Variants in DCUN1D4 observed in about 807,000 individuals in gnomAD.
DCUN1D4 encodes the protein DCN1-like protein 4.
Under a neutral mutation model 47.9 loss-of-function variants are expected in DCUN1D4, and 22 were observed. The ratio of observed to expected loss-of-function variants is 0.46; its 90% CI spans 0.33 to 0.66. The LOEUF (loss-of-function observed/expected upper bound fraction) is 0.66. Ranked by LOEUF, DCUN1D4 falls within the 30% of genes least tolerant of loss-of-function variation. DCUN1D4 has a pLI of 0.02. For synonymous variants in DCUN1D4, 121 were observed against 112.2 expected, an observed-to-expected ratio of 1.08 and a Z score of -0.50; for missense variants, 301 against 340.8, an observed-to-expected ratio of 0.88 and a Z score of 0.92.
chr4:51,892,593 T>C (rs187825962), intron 7 of DCUN1D4, among the ~76,000 whole-genome samples: 2 of 152,370 alleles, frequency 1.3e-5, no homozygotes, highest in Non-Finnish European at 2.9e-5. Context: ...ATTAAAAAGA[T>C]TTGGTTTGTG....
At position 51,916,701 on chromosome 4, in the gene DCUN1D4, A is replaced by G. The variant is rs1309255188; in HGVS notation, c.*3117A>G. 6.6e-6 allele frequency: 1 copy of G among 152,532 alleles called. No individual in the cohort carries two copies. 9.4% of individuals were successfully genotyped at this position (152,532 alleles called of 1,614,324 possible). A position where few individuals can be genotyped will look rare whatever the true frequency, so the allele number is the denominator to read the frequency against. ...TTGCATTACATTCATAAAAGTGTGC[A>G]AGTCCTGTGACTCCCAGCTTAACTG... On this transcript the variant is annotated 3_prime_UTR_variant, in exon 11 of 11. Transcript: ENST00000334635.
intron 7 of DCUN1D4, among the ~76,000 whole-genome samples, chr4:51,895,788 A>AT (rs1334597131): frequency 1.3e-5 from 2 of 152,064 alleles, no homozygotes; most frequent in Admixed American, 6.5e-5. Flanking sequence ...CATTGTGTGC[A>AT]TTTTTTTGTG....
chr4:51,842,603 G>A (rs1032374959), upstream of DCUN1D4, among the ~76,000 whole-genome samples: 2 of 152,216 alleles, frequency 1.3e-5, no homozygotes, highest in African/African-American at 4.8e-5. Context: ...GTCCCAGTCC[G>A]AGTTCGGCGC....
intron 1 of DCUN1D4, among the ~76,000 whole-genome samples, chr4:51,862,373 C>T (rs931538048): frequency 6.6e-6 from 1 of 152,256 alleles, no homozygotes; most frequent in African/African-American, 2.4e-5. Flanking sequence ...AGCTTGTTTT[C>T]AGGGTTCAGA....
At chr4:51,901,919 A>G (rs1469532770) in intron 8 of DCUN1D4, among the ~76,000 whole-genome samples, 1 of 152,142 alleles carries the variant, frequency 6.6e-6, no homozygotes, top group African/African-American at 2.4e-5. Flanking sequence ...TCTAAGATAA[A>G]TTTTTTAATG....
intron 1 of DCUN1D4, among the ~76,000 whole-genome samples, chr4:51,846,267 A>G (rs1305923615): frequency 6.6e-6 from 1 of 152,126 alleles, no homozygotes; most frequent in African/African-American, 2.4e-5. Flanking sequence ...GTAGCTGTGC[A>G]TTTAAACAGA....
At chr4:51,844,834 CTG>C in intron 1 of DCUN1D4, 4 of 985,328 alleles carry the variant, frequency 4.1e-6, no homozygotes, top group Non-Finnish European at 4.8e-6. Context: ...ACGTGGGTAA[CTG>C]TGGAAACGGG....
intron 5 of DCUN1D4, chr4:51,884,499 C>T (rs1303895479): frequency 6.6e-6 from 1 of 152,230 alleles, no homozygotes; most frequent in Non-Finnish European, 1.5e-5. Context: ...TTCTGCTGGA[C>T]TTGGTGACTT....
upstream of DCUN1D4, among the ~76,000 whole-genome samples, chr4:51,838,716 C>T (rs1245756960): frequency 6.6e-6 from 1 of 152,110 alleles, no homozygotes; most frequent in African/African-American, 2.4e-5. Context: ...ATGTTAACAA[C>T]CATATTATTG....
intron 1 of DCUN1D4, among the ~76,000 whole-genome samples, chr4:51,859,157 G>T (rs1430482506): frequency 1.3e-5 from 2 of 152,034 alleles, no homozygotes; most frequent in African/African-American, 4.8e-5. Flanking sequence ...ATTAATTTGT[G>T]GTTTAGTGAA....
upstream of DCUN1D4, among the ~76,000 whole-genome samples, chr4:51,842,242 C>T (rs1721722351): frequency 6.6e-6 from 1 of 152,128 alleles, no homozygotes; most frequent in Non-Finnish European, 1.5e-5. Flanking sequence ...GGGTCTTTCA[C>T]GGGCTGGTGG....
At chr4:51,846,364 G>A (rs1046285259) in intron 1 of DCUN1D4, among the ~76,000 whole-genome samples, 1 of 152,190 alleles carries the variant, frequency 6.6e-6, no homozygotes, top group African/African-American at 2.4e-5. Flanking sequence ...TGCCAGAAAA[G>A]AAGGCCTGCC....
intron 4 of DCUN1D4, chr4:51,875,340 T>C (rs1727507324): frequency 6.6e-6 from 1 of 152,240 alleles, no homozygotes; most frequent in Non-Finnish European, 1.5e-5. Context: ...GTGGACGTTA[T>C]TATCAGAATT....
intron 1 of DCUN1D4, chr4:51,844,507 TC>T: frequency 1.5e-6 from 1 of 677,412 alleles, no homozygotes; most frequent in Non-Finnish European, 1.8e-6. Context: ...GATGGCCGGG[TC>T]GGGGGCTTGG....
intron 6 of DCUN1D4, among the ~76,000 whole-genome samples, chr4:51,889,404 G>A (rs1280358899): frequency 6.6e-6 from 1 of 152,150 alleles, no homozygotes; most frequent in African/African-American, 2.4e-5. Context: ...AATTAAGCAG[G>A]CTTGTAAAAT....
At chr4:51,878,048 A>C in intron 5 of DCUN1D4, 194 bp downstream of exon 5, 1 of 344,938 alleles carries the variant, frequency 2.9e-6, no homozygotes, top group East Asian at 4.5e-5. Flanking sequence ...AGCTAAGCCA[A>C]ATAATTCAGA....
intron 6 of DCUN1D4, among the ~76,000 whole-genome samples, chr4:51,887,752 T>C (rs1729730179): frequency 6.6e-6 from 1 of 152,106 alleles, no homozygotes; most frequent in Non-Finnish European, 1.5e-5. Flanking sequence ...CTAGCAAAAT[T>C]CACATTTTTT....
At chr4:51,899,031 TA>T (rs1731704338) in intron 7 of DCUN1D4, among the ~76,000 whole-genome samples, 1 of 152,216 alleles carries the variant, frequency 6.6e-6, no homozygotes, top group South Asian at 2.1e-4. Flanking sequence ...AGAGAGTACA[TA>T]AATATAAAAA....
chr4:51,842,978 C>T, upstream of DCUN1D4: 2 of 1,171,496 alleles, frequency 1.7e-6, no homozygotes, highest in Non-Finnish European at 2.2e-6. Context: ...GAGACAAGGC[C>T]CCAGGACCAA....
Sources: gnomAD v4.1 joint callset for allele counts (sites outside exome capture counted in the v4.1 genomes callset) on GRCh38, gnomAD v4.1.1 for gene constraint, MANE v1.5 for transcripts, NCBI Gene and HGNC (gene_info 2026-07-23, HGNC 2026-07-21) for gene names.